The following CSMD3 variants were observed in gnomAD, a reference collection of about 807,000 sequenced individuals.
CSMD3 encodes the protein CUB and sushi domain-containing protein 3.
CSMD3 carries 177 observed loss-of-function variants against 435.2 expected under a neutral mutation model. That is an observed-to-expected ratio of 0.41 (90% CI 0.36 to 0.46). The LOEUF is 0.46. Among genes scored for constraint, CSMD3 ranks in the 20% least tolerant of loss-of-function variants. CSMD3 has a pLI of 0.34. For missense variants in CSMD3, 4,265 were observed against 4,504.6 expected (o/e 0.95, Z 1.52); for synonymous variants, 1,656 against 1,520.5 (o/e 1.09, Z -2.07).
intron 9 of CSMD3, among the ~76,000 whole-genome samples, chr8:112,942,027 C>T (rs1233043796): frequency 6.6e-6 from 1 of 151,574 alleles, no homozygotes; most frequent in African/African-American, 2.4e-5. Context: ...CACATAGTGT[C>T]ATTATTCACT....
chr8:112,380,906 A>G (rs1201851446), intron 37 of CSMD3, among the ~76,000 whole-genome samples: 1 of 152,124 alleles, frequency 6.6e-6, no homozygotes, highest in Non-Finnish European at 1.5e-5. Context: ...CTGTTTTCCA[A>G]TATGTTTTTT....
intron 41 of CSMD3, among the ~76,000 whole-genome samples, chr8:112,343,369 G>A (rs1825362884): frequency 6.6e-6 from 1 of 152,076 alleles, no homozygotes; most frequent in African/African-American, 2.4e-5. Context: ...GGACATAGAA[G>A]TTCACTACAA....
chr8:113,308,736 G>A (rs2093843340), intron 2 of CSMD3, among the ~76,000 whole-genome samples: 1 of 151,706 alleles, frequency 6.6e-6, no homozygotes, highest in African/African-American at 2.4e-5. Flanking sequence ...TATTTTAATG[G>A]CATAGAAGTT....
intron 10 of CSMD3, among the ~76,000 whole-genome samples, chr8:112,886,926 T>G (rs181191025): frequency 1.0e-3 from 151 of 151,684 alleles, no homozygotes; most frequent in African/African-American, 3.4e-3. Flanking sequence ...TTTTTTTTCC[T>G]GAAAATTTTT....
In CSMD3 at chr8:112,255,407, C is replaced by G; in HGVS notation, c.9883G>C (p.Gly3295Arg). The change falls in exon 62 of 71, where the codon GGT becomes CGT. Residue 3295 changes from glycine (G) to arginine (R), a missense_variant. Physicochemically the swap from Gly to Arg is moderately radical, Grantham distance 125. Coordinates refer to ENST00000297405, the MANE Select transcript of CSMD3 (RefSeq NM_198123.2). Reference protein sequence around the residue: ...QCLPKFCGDPGIPAQGKREGK... With the variant: ...QCLPKFCGDPRIPAQGKREGK... ...TCTCTTTTTCCTTGGGCAGGTATAC[C>G]AGGGTCACCACAAAACTTTGCTGGA... 6.2e-7 allele frequency: 1 copy of G among 1,613,566 alleles called. No homozygotes were observed. The highest frequency in any genetic ancestry group is 1.7e-5 in the Admixed American group (1 of 59,952).
At chr8:113,324,921 G>T (rs1209401885) in intron 1 of CSMD3, among the ~76,000 whole-genome samples, 1 of 152,230 alleles carries the variant, frequency 6.6e-6, no homozygotes, top group Non-Finnish European at 1.5e-5. Context: ...GGAGTCAAAG[G>T]AGATCATTTT....
At chr8:113,103,373 T>C (rs2090384474) in intron 4 of CSMD3, among the ~76,000 whole-genome samples, 1 of 152,164 alleles carries the variant, frequency 6.6e-6, no homozygotes, top group Non-Finnish European at 1.5e-5. Flanking sequence ...ATTTTTCATA[T>C]ATGTATATGT....
At chr8:112,498,025 G>T (rs1359023800) in intron 30 of CSMD3, among the ~76,000 whole-genome samples, 3 of 152,024 alleles carry the variant, frequency 2.0e-5, no homozygotes, top group African/African-American at 4.8e-5. Flanking sequence ...AAGACAGTGG[G>T]TGGGGAAGAA....
At chr8:113,398,319 C>T (rs1335052314) in intron 1 of CSMD3, among the ~76,000 whole-genome samples, 2 of 151,204 alleles carry the variant, frequency 1.3e-5, no homozygotes, top group Non-Finnish European at 3.0e-5. Flanking sequence ...TCTCCACTGA[C>T]AGGAAATGAC....
At chr8:112,351,323 T>TA (rs1826119911) in intron 39 of CSMD3, 79 bp from the exon 40 acceptor site, 2 of 946,058 alleles carry the variant, frequency 2.1e-6, no homozygotes, top group Admixed American at 3.5e-5. Flanking sequence ...ATTATTATTA[T>TA]AAAAACAAGC....
Position 112,518,486 on chromosome 8 carries a change from G to A in CSMD3, c.4565-1261C>T, listed in dbSNP as rs146367668. On this transcript the variant is annotated intron_variant, in intron 27 of 70. Coordinates refer to ENST00000297405, the MANE Select transcript of CSMD3 (RefSeq NM_198123.2). The stretch of plus-strand genomic sequence containing the variant: ...CTGTCCGTCTGCACTAAATTTATAA[G>A]TGAATTTGTTTTGTAATATCCATCA... Among the ~76,000 whole-genome samples the A allele has an allele frequency of 5.1e-4, 77 of 152,196 alleles. 2 individuals are homozygous for A. In the East Asian group the frequency reaches 7.9e-3, roughly 16 times the overall value.
chr8:112,713,222 T>G (rs2076648062), intron 13 of CSMD3, among the ~76,000 whole-genome samples: 1 of 151,956 alleles, frequency 6.6e-6, no homozygotes, highest in Non-Finnish European at 1.5e-5. Context: ...GCTTTTTCCA[T>G]GGAACTGTGA....
intron 4 of CSMD3, among the ~76,000 whole-genome samples, chr8:113,105,211 G>C (rs2090439410): frequency 6.6e-6 from 1 of 151,966 alleles, no homozygotes; most frequent in Admixed American, 6.6e-5. Context: ...TATAATAACT[G>C]TTTTAAAACA....
intron 2 of CSMD3, among the ~76,000 whole-genome samples, chr8:113,308,950 C>G (rs537650902): frequency 6.6e-6 from 1 of 151,666 alleles, no homozygotes; most frequent in Non-Finnish European, 1.5e-5. Flanking sequence ...TTTTTGTTTT[C>G]TTTTGTTTTG....
At chr8:112,455,378 C>G (rs10086302) in intron 32 of CSMD3, among the ~76,000 whole-genome samples, 67,582 of 151,732 alleles carry the variant, frequency 0.45, 15,633 homozygotes, top group Middle Eastern at 0.61. Context: ...GTAAATTGGA[C>G]CTGAGCAGTG....
chr8:113,275,725 A>G (rs1217959051), intron 3 of CSMD3, among the ~76,000 whole-genome samples: 1 of 152,068 alleles, frequency 6.6e-6, no homozygotes, highest in Non-Finnish European at 1.5e-5. Flanking sequence ...AGAGACCAGG[A>G]GCAGTGGCTC....
At chr8:112,407,100 G>T (rs1308119683) in intron 34 of CSMD3, among the ~76,000 whole-genome samples, 1 of 151,584 alleles carries the variant, frequency 6.6e-6, no homozygotes, top group African/African-American at 2.4e-5. Context: ...AAAAATATGT[G>T]TCAGGTTATA....
chr8:112,908,425 C>G (rs1159824561), intron 10 of CSMD3, among the ~76,000 whole-genome samples: 3 of 151,430 alleles, frequency 2.0e-5, no homozygotes, highest in Non-Finnish European at 4.4e-5. Flanking sequence ...AACTTTGTAG[C>G]TGCAATTCAA....
At chr8:112,390,576 AC>A in intron 36 of CSMD3, 87 bp downstream of exon 36, 1 of 1,160,382 alleles carries the variant, frequency 8.6e-7, no homozygotes. Context: ...CACTTGCTAA[AC>A]TTTTAGAAAT....
Sources: allele counts gnomAD v4.1 joint callset (sites outside exome capture counted in the v4.1 genomes callset), GRCh38; gene constraint gnomAD v4.1.1; transcripts MANE v1.5; gene names NCBI Gene and HGNC (gene_info 2026-07-23, HGNC 2026-07-21).